Variants in CFAP53 observed in about 807,000 individuals in gnomAD.
CFAP53 encodes cilia- and flagella-associated protein 53.
A neutral mutation model predicts 59.7 loss-of-function variants in CFAP53; 62 were observed. The ratio of observed to expected loss-of-function variants is 1.04; its 90% CI spans 0.85 to 1.28. The LOEUF (loss-of-function observed/expected upper bound fraction) is 1.28. Among genes scored for constraint, CFAP53 ranks in the 50% most tolerant of loss-of-function variants. CFAP53 has a pLI of 0.00. For synonymous variants in CFAP53, 218 were observed against 205.7 expected (o/e 1.06, Z -0.51); for missense variants, 629 against 615.6 (o/e 1.02, Z -0.23).
intron 6 of CFAP53, among the ~76,000 whole-genome samples, chr18:50,239,130 G>C (rs866693941): frequency 6.6e-6 from 1 of 150,894 alleles, no homozygotes; most frequent in Non-Finnish European, 1.5e-5. Context: ...CCTCATGCCG[G>C]TAATCCCAGC....
At chr18:50,255,676 A>T (rs4939961) in intron 3 of CFAP53, among the ~76,000 whole-genome samples, 104,040 of 151,900 alleles carry the variant, frequency 0.68, 35,925 homozygotes, top group East Asian at 0.79. Flanking sequence ...AGGGATCACT[A>T]AAAATGATCT....
intron 6 of CFAP53, among the ~76,000 whole-genome samples, chr18:50,239,650 C>T (rs7238056): frequency 0.18 from 27,683 of 152,040 alleles, 2,620 homozygotes; most frequent in South Asian, 0.23. Flanking sequence ...AAATAAGTTA[C>T]GGTCTGTTTT....
chr18:50,256,298 C>T (rs1466800164), intron 3 of CFAP53: 1 of 152,162 alleles, frequency 6.6e-6, no homozygotes, highest in Non-Finnish European at 1.5e-5. Context: ...CATCTTTTCC[C>T]CCCAGCAACC....
intron 7 of CFAP53, among the ~76,000 whole-genome samples, chr18:50,233,200 A>C (rs1599113127): frequency 1.3e-5 from 2 of 152,192 alleles, no homozygotes; most frequent in African/African-American, 2.4e-5. Flanking sequence ...AAACATCGAA[A>C]ACTCATTTAA....
intron 5 of CFAP53, among the ~76,000 whole-genome samples, chr18:50,243,778 C>T (rs55846305): frequency 2.7e-4 from 41 of 152,070 alleles, no homozygotes; most frequent in African/African-American, 8.2e-4. Flanking sequence ...GGTGAAACCC[C>T]GTCTCTACTA....
At chr18:50,227,834 C>T (rs534712630) in intron 7 of CFAP53, among the ~76,000 whole-genome samples, 14 of 152,064 alleles carry the variant, frequency 9.2e-5, no homozygotes, top group African/African-American at 3.1e-4. Context: ...ATGCTTCTTC[C>T]CTGCTCGTAA....
chr18:50,238,126 T>C (rs189692654), intron 7 of CFAP53, among the ~76,000 whole-genome samples: 2 of 152,372 alleles, frequency 1.3e-5, no homozygotes, highest in Non-Finnish European at 2.9e-5. Context: ...ACCAAGACAG[T>C]TGGTGCCTAC....
At chr18:50,231,102 G>A (rs901220312) in intron 7 of CFAP53, among the ~76,000 whole-genome samples, 3 of 152,092 alleles carry the variant, frequency 2.0e-5, no homozygotes, top group African/African-American at 2.4e-5. Flanking sequence ...CAAATGCTTC[G>A]ATTTATCATC....
At chr18:50,264,744 C>T (rs764078041) in intron 1 of CFAP53, among the ~76,000 whole-genome samples, 4 of 152,286 alleles carry the variant, frequency 2.6e-5, no homozygotes, top group East Asian at 1.9e-4. Flanking sequence ...TCAATAAGCC[C>T]GCTTCTCTGG....
At chr18:50,238,458 C>T in intron 7 of CFAP53, 145 bp downstream of exon 7, 2 of 573,166 alleles carry the variant, frequency 3.5e-6, no homozygotes, top group Non-Finnish European at 6.2e-6. Flanking sequence ...TGCTATACTG[C>T]CCAGGCTAAT....
In CFAP53 at chr18:50,238,527, C is replaced by T. The variant is rs1031167776; in HGVS notation, c.1316+76G>A. 1.2e-5 allele frequency: 11 copies of T among 896,232 alleles called. No homozygotes were observed. In the African/African-American group the frequency reaches 1.6e-4, roughly 13 times the overall value. The allele number at this position is 896,232 out of a possible 1,614,324, so 55.5% of individuals were successfully genotyped here. On this transcript the variant is annotated intron_variant, in intron 7 of 7. Coordinates refer to ENST00000398545, the MANE Select transcript of CFAP53 (RefSeq NM_145020.5). ...TCAGCCTCCCAAAGTACTGGGATTA[C>T]AGGTGTGAGCCACCATGGCTAGCCA...
At chr18:50,249,360 A>T (rs1016312922) in intron 5 of CFAP53, among the ~76,000 whole-genome samples, 1 of 152,026 alleles carries the variant, frequency 6.6e-6, no homozygotes, top group Non-Finnish European at 1.5e-5. Context: ...TCTACAAAAA[A>T]TAAGAAAACT....
Position 50,262,117 on chromosome 18 carries a change from C to T in CFAP53, c.172G>A (p.Glu58Lys). ...NAILASIKSS[E>K]RDRLKAEWDQ... ...CACTCAGCTTTCAAGCGATCCCGCT[C>T]ACTTGACTTAATGGAAGCCAAAATA... The change falls in exon 2 of 8, where the codon GAG becomes AAG. Residue 58 changes from glutamate (E) to lysine (K), a missense_variant. Physicochemically the swap from Glu to Lys is moderately conservative, Grantham distance 56 (BLOSUM62 1). Coordinates refer to ENST00000398545, the MANE Select transcript of CFAP53 (RefSeq NM_145020.5). 1 of 1,614,236 alleles carries T rather than the reference C, an allele frequency of 6.2e-7. No individual in the cohort carries two copies. Among genetic ancestry groups the T allele is most frequent in the Admixed American group, 1.7e-5 (1 of 60,028 alleles).
chr18:50,260,984 T>C, intron 3 of CFAP53, 80 bp downstream of exon 3: 1 of 1,423,796 alleles, frequency 7.0e-7, no homozygotes, highest in East Asian at 2.3e-5. Context: ...TTAAGACTAA[T>C]TTACTTTAAA....
At chr18:50,253,273 C>A (rs979536126) in intron 3 of CFAP53, among the ~76,000 whole-genome samples, 1 of 152,162 alleles carries the variant, frequency 6.6e-6, no homozygotes, top group African/African-American at 2.4e-5. Flanking sequence ...GCCTCAGCCT[C>A]CCAAAGTGCT....
intron 2 of CFAP53, 118 bp downstream of exon 2, chr18:50,261,872 G>T: frequency 1.5e-6 from 1 of 675,480 alleles, no homozygotes; most frequent in Non-Finnish European, 2.5e-6. Flanking sequence ...CAATAGCTAT[G>T]GATTTAATAT....
At chr18:50,266,149 G>A (rs1315624259) in intron 1 of CFAP53, among the ~76,000 whole-genome samples, 187 bp downstream of exon 1, 2 of 152,244 alleles carry the variant, frequency 1.3e-5, no homozygotes, top group East Asian at 1.9e-4. Context: ...GGAGATGAGT[G>A]GGTGAGAGGT....
At chr18:50,264,731 T>A (rs912738803) in intron 1 of CFAP53, among the ~76,000 whole-genome samples, 3 of 152,222 alleles carry the variant, frequency 2.0e-5, no homozygotes, top group African/African-American at 7.2e-5. Context: ...AGGTGCAAAG[T>A]ATTCAATAAG....
rs187955898 is a variant in CFAP53 at position 50,253,127 on chromosome 18, C to T, written c.474-1343G>A. Among the ~76,000 whole-genome samples, 32 of 152,298 alleles carry T rather than the reference C, an allele frequency of 2.1e-4. 1 individual carries two copies. The highest frequency in any genetic ancestry group is 1.9e-3 in the Admixed American group (29 of 15,308). ...TGCCTCCCGGGCTCACGCCATTCCCCGGCCTCAGCCTCCGGAGTAGCTGGG... is the reference window on the plus strand; with the variant it reads ...TGCCTCCCGGGCTCACGCCATTCCCTGGCCTCAGCCTCCGGAGTAGCTGGG... On this transcript the variant is annotated intron_variant, in intron 3 of 7. Coordinates refer to ENST00000398545, the MANE Select transcript of CFAP53 (RefSeq NM_145020.5).
Sources: gnomAD v4.1 joint callset for allele counts (sites outside exome capture counted in the v4.1 genomes callset) on GRCh38, gnomAD v4.1.1 for gene constraint, MANE v1.5 for transcripts, NCBI Gene and HGNC (gene_info 2026-07-23, HGNC 2026-07-21) for gene names.